The following WDR19 variants were observed in gnomAD, a reference collection of about 807,000 sequenced individuals.
The protein encoded by WDR19 is WD repeat domain 19.
A neutral mutation model predicts 180.0 loss-of-function variants in WDR19; 121 were observed. That is an observed-to-expected ratio of 0.67 (90% confidence interval 0.58 to 0.78). WDR19 has a LOEUF of 0.78. Ranked by LOEUF, WDR19 falls within the 30% of genes least tolerant of loss-of-function variation. The probability of loss-of-function intolerance (pLI) is 0.00; values close to 1 mark genes in which losing one functional copy is unlikely to be tolerated. For synonymous variants in WDR19, 497 were observed against 540.7 expected (o/e 0.92, Z 1.12); for missense variants, 1,450 against 1,640.7 (o/e 0.88, Z 2.01).
intron 20 of WDR19, among the ~76,000 whole-genome samples, 172 bp downstream of exon 20, chr4:39,235,047 T>C (rs1422697841): frequency 1.3e-5 from 2 of 152,216 alleles, no homozygotes; most frequent in South Asian, 2.1e-4. Flanking sequence ...GTCTTATCCA[T>C]GCATTATCCA....
At chr4:39,200,071 A>C (rs1727210777) in intron 6 of WDR19, among the ~76,000 whole-genome samples, 1 of 152,244 alleles carries the variant, frequency 6.6e-6, no homozygotes, top group Admixed American at 6.5e-5. Context: ...TAGCTCTTTC[A>C]GAGGCTCCCT....
intron 13 of WDR19, 134 bp downstream of exon 13, chr4:39,217,374 CA>C: frequency 1.5e-6 from 1 of 684,768 alleles, no homozygotes; most frequent in Non-Finnish European, 2.4e-6. Context: ...AAAGGATTAA[CA>C]AAACCCTTCC....
At chr4:39,270,375 G>A (rs12643415) in intron 31 of WDR19, among the ~76,000 whole-genome samples, 8 of 151,876 alleles carry the variant, frequency 5.3e-5, no homozygotes, top group Admixed American at 3.3e-4. Context: ...ATAGTGTGTG[G>A]GTTGTTTTGT....
intron 29 of WDR19, among the ~76,000 whole-genome samples, chr4:39,266,807 G>A (rs1393266438): frequency 6.6e-6 from 1 of 152,254 alleles, no homozygotes; most frequent in Non-Finnish European, 1.5e-5. Flanking sequence ...AAATTGGCCA[G>A]GCGCGGTGTC....
chr4:39,215,894 CA>C lies in WDR19; in HGVS notation c.1018del (p.Arg340GlyfsTer8). 6.2e-7 allele frequency: 1 copy of C among 1,613,834 alleles called. No individual in the cohort carries two copies. The highest frequency in any genetic ancestry group is 1.1e-5 in the South Asian group (1 of 91,052). On this transcript the variant is annotated frameshift_variant, in exon 11 of 37. Transcript: ENST00000399820. LOFTEE classifies it high-confidence loss of function. ...DDGQLLALST[Q>X]RGSLHVFLTK... is the part of the protein sequence containing the mutation. The stretch of plus-strand genomic sequence containing the variant: ...TGGCCAGTTGCTAGCACTCTCTACC[CA>C]AAGGGGCTCACTTCATGTTTTCCTG...
chr4:39,252,436 C>A (rs1733324369), intron 24 of WDR19, among the ~76,000 whole-genome samples: 1 of 150,932 alleles, frequency 6.6e-6, no homozygotes, highest in African/African-American at 2.4e-5. Flanking sequence ...TGCAGCACAC[C>A]AACATGGCAC....
At chr4:39,233,124 G>C (rs913884856) in intron 19 of WDR19, among the ~76,000 whole-genome samples, 3 of 152,092 alleles carry the variant, frequency 2.0e-5, no homozygotes, top group Non-Finnish European at 4.4e-5. Context: ...CTATTTTCCA[G>C]ATGGGAAAAC....
chr4:39,183,250 C>CTTTT lies in WDR19; in HGVS notation c.6+704_6+707dup, dbSNP rs113490249. 6.6e-4 allele frequency among the ~76,000 whole-genome samples: 52 copies of CTTTT among 79,246 alleles called. 9 individuals are homozygous for CTTTT. The highest frequency in any genetic ancestry group is 0.011 in the Middle Eastern group (1 of 94). 52.0% of individuals were successfully genotyped at this position (79,246 alleles called of 152,430 possible). A position where few individuals can be genotyped will look rare whatever the true frequency, so the allele number is the denominator to read the frequency against. ...TCTGCTCTGGCAAAGAAATGGAAGG[C>CTTTT]TTTTTTTTTTTTTTTTTTTTACTGA... On this transcript the variant is annotated intron_variant, in intron 1 of 36. Transcript: ENST00000399820.
chr4:39,200,585 A>G (rs1220718387), intron 6 of WDR19, among the ~76,000 whole-genome samples: 1 of 152,208 alleles, frequency 6.6e-6, no homozygotes, highest in Non-Finnish European at 1.5e-5. Context: ...CTTCCTTGCC[A>G]CATGGATCTC....
At chr4:39,270,203 T>C (rs911222694) in intron 31 of WDR19, 103 bp downstream of exon 31, 38 of 1,443,798 alleles carry the variant, frequency 2.6e-5, no homozygotes, top group Middle Eastern at 1.8e-4. Context: ...ATTGTCTAGA[T>C]GTCTGTATTG....
intron 1 of WDR19, among the ~76,000 whole-genome samples, chr4:39,184,389 G>A (rs576301626): frequency 7.2e-5 from 11 of 151,804 alleles, no homozygotes; most frequent in Non-Finnish European, 1.3e-4. Context: ...CAGAGCCTGG[G>A]CGACAGAGCA....
Position 39,228,635 on chromosome 4 carries a change from G to T in WDR19, c.1927G>T (p.Asp643Tyr), listed in dbSNP as rs767757561. 9 of 1,612,952 alleles carry T rather than the reference G, an allele frequency of 5.6e-6. No individual in the cohort carries two copies. Among genetic ancestry groups the T allele is most frequent in the Admixed American group, 1.7e-5 (1 of 59,910 alleles). Residue 643 changes from aspartate (D) to tyrosine (Y), a missense_variant, in exon 17 of 37, where the codon GAT becomes TAT. Asp to Tyr is a radical substitution (Grantham distance 160). Transcript: ENST00000399820. ...STHGFLSNLK[D>Y]TGPDELRPML... ...CCATGGCTTTCTCAGCAACTTAAAA[G>T]ATACGGGGCCTGACGAACTGAGACC...
intron 20 of WDR19, among the ~76,000 whole-genome samples, chr4:39,239,218 C>T (rs916627566): frequency 1.3e-5 from 2 of 152,008 alleles, no homozygotes; most frequent in Non-Finnish European, 2.9e-5. Flanking sequence ...CCTTATGATC[C>T]GTGTGCCTCG....
chr4:39,193,685 C>T (rs1000241823), intron 4 of WDR19, among the ~76,000 whole-genome samples: 6 of 152,192 alleles, frequency 3.9e-5, no homozygotes, highest in African/African-American at 1.2e-4. Flanking sequence ...TATCACTGCC[C>T]TCAACATTCT....
At chr4:39,252,411 T>G in intron 24 of WDR19, among the ~76,000 whole-genome samples, 1 of 148,130 alleles carries the variant, frequency 6.8e-6, no homozygotes, top group African/African-American at 2.5e-5. Context: ...TAATGCTAAA[T>G]GACGAGTTAA....
intron 4 of WDR19, among the ~76,000 whole-genome samples, chr4:39,191,639 C>G (rs1726155864): frequency 6.6e-6 from 1 of 152,186 alleles, no homozygotes; most frequent in Non-Finnish European, 1.5e-5. Context: ...GGGATATAGC[C>G]ATTTCTTTCC....
At chr4:39,244,603 C>T in intron 23 of WDR19, 51 bp downstream of exon 23, 1 of 1,602,860 alleles carries the variant, frequency 6.2e-7, no homozygotes, top group Non-Finnish European at 8.5e-7. Flanking sequence ...ATGAATGTGC[C>T]TCTGGGGTCT....
intron 28 of WDR19, among the ~76,000 whole-genome samples, chr4:39,265,087 T>G (rs1429480290): frequency 6.6e-6 from 1 of 151,670 alleles, no homozygotes; most frequent in African/African-American, 2.4e-5. Context: ...CCCAGCTAAT[T>G]TTTGTATTTT....
At chr4:39,260,255 A>G (rs549404715) in intron 28 of WDR19, among the ~76,000 whole-genome samples, 14 of 152,034 alleles carry the variant, frequency 9.2e-5, no homozygotes, top group African/African-American at 3.4e-4. Flanking sequence ...GATATGGATG[A>G]TATTTCTGTA....
Sources: allele counts gnomAD v4.1 joint callset (sites outside exome capture counted in the v4.1 genomes callset), GRCh38; gene constraint gnomAD v4.1.1; transcripts MANE v1.5; gene names NCBI Gene and HGNC (gene_info 2026-07-23, HGNC 2026-07-21).